Variants in COL25A1 observed in about 807,000 individuals in gnomAD.
The protein encoded by COL25A1 is collagen type XXV alpha 1 chain, also known as collagen alpha-1(XXV) chain.
Under a neutral mutation model 128.4 loss-of-function variants are expected in COL25A1, and 103 were observed. The ratio of observed to expected loss-of-function variants is 0.80; its 90% CI spans 0.68 to 0.94. The LOEUF (loss-of-function observed/expected upper bound fraction) is 0.94, where lower values mean the gene tolerates loss of function less well. Ranked by LOEUF, COL25A1 falls within the 40% of genes least tolerant of loss-of-function variation. The pLI, the probability that COL25A1 is intolerant of heterozygous loss-of-function variation, is 0.00. For missense variants in COL25A1, 745 were observed against 840.0 expected (o/e 0.89, Z 1.40); for synonymous variants, 279 against 277.2 (o/e 1.01, Z -0.06).
intron 3 of COL25A1, among the ~76,000 whole-genome samples, chr4:109,052,294 A>G (rs2125946108): frequency 6.6e-6 from 1 of 152,350 alleles, no homozygotes; most frequent in Middle Eastern, 3.4e-3. Context: ...TCTGGATTAA[A>G]TATTCAATCA....
chr4:108,939,715 A>G (rs577443115), intron 10 of COL25A1, among the ~76,000 whole-genome samples: 16 of 152,286 alleles, frequency 1.1e-4, no homozygotes, highest in South Asian at 6.2e-4. Context: ...AATACATTGA[A>G]TAAATAATTT....
At chr4:108,819,954 T>A in intron 35 of COL25A1, 1 of 869,434 alleles carries the variant, frequency 1.2e-6, no homozygotes, top group Non-Finnish European at 1.5e-6. Flanking sequence ...AAAATAACGG[T>A]AATTCAAAAG....
chr4:109,216,260 G>A (rs1777978666), intron 3 of COL25A1, among the ~76,000 whole-genome samples: 1 of 144,928 alleles, frequency 6.9e-6, no homozygotes, highest in Non-Finnish European at 1.5e-5. Context: ...TAGGAAGGAA[G>A]GAAGGAAAAA....
At chr4:108,838,040 G>T in intron 31 of COL25A1, 1 of 1,186,678 alleles carries the variant, frequency 8.4e-7, no homozygotes, top group Non-Finnish European at 1.2e-6. Context: ...GAGTTATCAT[G>T]TAGGGTAGAA....
intron 16 of COL25A1, among the ~76,000 whole-genome samples, chr4:108,890,983 G>A (rs1741421795): frequency 1.3e-5 from 2 of 152,090 alleles, no homozygotes; most frequent in South Asian, 2.1e-4. Flanking sequence ...CATGTCCACC[G>A]CAGCTCACTT....
chr4:109,196,653 C>T (rs973212902), intron 3 of COL25A1, among the ~76,000 whole-genome samples: 1 of 152,110 alleles, frequency 6.6e-6, no homozygotes, highest in Non-Finnish European at 1.5e-5. Flanking sequence ...AAAAAGAAGC[C>T]ATTTCAAAAC....
chr4:109,266,784 C>A (rs1389716610), intron 3 of COL25A1, among the ~76,000 whole-genome samples: 2 of 152,076 alleles, frequency 1.3e-5, no homozygotes, highest in African/African-American at 2.4e-5. Context: ...CAAGCAAAAA[C>A]CAAGTAGCAA....
At chr4:109,083,448 A>ATTTTTTTTTTTTTTTTTTTTTTTTTTT (rs60165291) in intron 3 of COL25A1, among the ~76,000 whole-genome samples, 1 of 77,010 alleles carries the variant, frequency 1.3e-5, no homozygotes, top group Non-Finnish European at 2.5e-5. Flanking sequence ...CACTAAATAA[A>ATTTTTTTTTTTTTTTTTTTTTTTTTTT]TTTTTTTTTT....
At chr4:108,897,821 A>AT (rs1440118804) in intron 15 of COL25A1, among the ~76,000 whole-genome samples, 1 of 152,048 alleles carries the variant, frequency 6.6e-6, no homozygotes, top group East Asian at 1.9e-4. Context: ...TTTCCTCTGT[A>AT]TTTTGTTTTA....
Position 108,884,163 on chromosome 4 carries a change from C to T in COL25A1, c.1020+15G>A, listed in dbSNP as rs774256553. 4.3e-6 allele frequency: 7 copies of T among 1,613,140 alleles called. No individual in the cohort carries two copies. In the South Asian group the frequency reaches 5.5e-5, roughly 13 times the overall value. On this transcript the variant is annotated intron_variant, in intron 19 of 37. Coordinates refer to ENST00000399132, the MANE Select transcript of COL25A1 (RefSeq NM_198721.4). ...TACAGTTCTGTGAAGCCGAGACTGTCCGTGCAGTATTTACCTTTATCCCCG... is the reference window on the plus strand; with the variant it reads ...TACAGTTCTGTGAAGCCGAGACTGTTCGTGCAGTATTTACCTTTATCCCCG...
intron 33 of COL25A1, among the ~76,000 whole-genome samples, chr4:108,826,624 G>A (rs1020147126): frequency 2.6e-5 from 4 of 152,164 alleles, no homozygotes; most frequent in East Asian, 1.9e-4. Flanking sequence ...TTGTCATCAC[G>A]GTAATTTAGA....
intron 15 of COL25A1, among the ~76,000 whole-genome samples, chr4:108,898,149 AAACC>A (rs1742360174): frequency 6.6e-6 from 1 of 152,192 alleles, no homozygotes; most frequent in Non-Finnish European, 1.5e-5. Context: ...CAAAACAAAC[AAACC>A]AACCTTCTTA....
At chr4:109,218,531 T>C (rs749367613) in intron 3 of COL25A1, among the ~76,000 whole-genome samples, 4 of 151,954 alleles carry the variant, frequency 2.6e-5, no homozygotes, top group African/African-American at 9.7e-5. Context: ...CACTCTGCCA[T>C]GTCCTTGTTC....
intron 19 of COL25A1, 50 bp downstream of exon 19, chr4:108,884,128 A>C: frequency 6.3e-7 from 1 of 1,581,850 alleles, no homozygotes; most frequent in Non-Finnish European, 8.7e-7. Context: ...ATTTGGGTGA[A>C]TCTCATAATT....
chr4:109,141,316 G>A (rs186516388), intron 3 of COL25A1, among the ~76,000 whole-genome samples: 1 of 152,312 alleles, frequency 6.6e-6, no homozygotes, highest in Admixed American at 6.5e-5. Context: ...TTTTTGATGT[G>A]CTGCTGGGTT....
At chr4:108,901,011 C>T (rs1030905081) in intron 14 of COL25A1, 108 bp downstream of exon 14, 1 of 789,186 alleles carries the variant, frequency 1.3e-6, no homozygotes, top group African/African-American at 1.7e-5. Flanking sequence ...ACAAAATACC[C>T]ATGTAAGTGC....
intron 31 of COL25A1, among the ~76,000 whole-genome samples, chr4:108,840,226 G>C (rs1734283280): frequency 7.8e-6 from 1 of 128,216 alleles, no homozygotes; most frequent in Non-Finnish European, 1.6e-5. Context: ...TGGGAAACAA[G>C]AGCGAAACGC....
intron 3 of COL25A1, among the ~76,000 whole-genome samples, chr4:109,130,587 A>G (rs2126067769): frequency 6.6e-6 from 1 of 152,288 alleles, no homozygotes; most frequent in South Asian, 2.1e-4. Context: ...AATAAGCTTG[A>G]ACAAAATCAT....
chr4:109,168,679 T>C (rs1409573247), intron 3 of COL25A1, among the ~76,000 whole-genome samples: 2 of 152,258 alleles, frequency 1.3e-5, no homozygotes, highest in East Asian at 3.9e-4. Context: ...GCAGAGGTGC[T>C]CTTTCAGGGC....
Sources: gnomAD v4.1 joint callset for allele counts (sites outside exome capture counted in the v4.1 genomes callset) on GRCh38, gnomAD v4.1.1 for gene constraint, MANE v1.5 for transcripts, NCBI Gene and HGNC (gene_info 2026-07-23, HGNC 2026-07-21) for gene names.